MALT1: variants seen among roughly 807,000 people sequenced by gnomAD.
The protein encoded by MALT1 is mucosa-associated lymphoid tissue lymphoma translocation protein 1.
Under a neutral mutation model 85.5 loss-of-function variants are expected in MALT1, and 36 were observed. The observed-to-expected ratio is 0.42, with a 90% CI of 0.32 to 0.56. The LOEUF is 0.56. Among genes scored for constraint, MALT1 ranks in the 20% least tolerant of loss-of-function variants. The probability of loss-of-function intolerance (pLI) is 0.10; values close to 1 mark genes in which losing one functional copy is unlikely to be tolerated. For missense variants in MALT1, 716 were observed against 981.6 expected, an observed-to-expected ratio of 0.73 and a Z score of 3.62; for synonymous variants, 359 against 361.3, an observed-to-expected ratio of 0.99 and a Z score of 0.07.
chr18:58,719,240 A>G (rs1285247462), intron 9 of MALT1, among the ~76,000 whole-genome samples: 1 of 152,134 alleles, frequency 6.6e-6, no homozygotes, highest in Non-Finnish European at 1.5e-5. Context: ...TGCCACATTC[A>G]AGATGGCTTT....
At chr18:58,709,318 T>A in intron 4 of MALT1, 60 bp from the exon 5 acceptor site, 1 of 1,181,982 alleles carries the variant, frequency 8.5e-7, no homozygotes, top group Non-Finnish European at 1.2e-6. Context: ...TCTCTTTAAT[T>A]ATAGGGAAAT....
At chr18:58,695,840 G>A (rs1418591625) in intron 2 of MALT1, among the ~76,000 whole-genome samples, 1 of 152,174 alleles carries the variant, frequency 6.6e-6, no homozygotes, top group Non-Finnish European at 1.5e-5. Context: ...TGTTACATTG[G>A]GGATTCAGTT....
intron 9 of MALT1, among the ~76,000 whole-genome samples, chr18:58,716,475 G>A (rs1288873067): frequency 6.6e-6 from 1 of 152,142 alleles, no homozygotes; most frequent in Non-Finnish European, 1.5e-5. Context: ...ATTTAAAGAT[G>A]GTAAAAATAG....
chr18:58,719,115 A>C lies in MALT1; in HGVS notation c.1018+3148A>C, dbSNP rs146765304. On this transcript the variant is annotated intron_variant, in intron 9 of 16. Coordinates refer to ENST00000649217, the MANE Select transcript of MALT1 (RefSeq NM_006785.4). ...CACTGCAAAATTTACTAGCTTAAGA[A>C]CAGCATCAGTTTTATTATCTCTCAT... Among the ~76,000 whole-genome samples the C allele has an allele frequency of 6.6e-5, 10 of 152,274 alleles. No homozygotes were observed. In the East Asian group the frequency reaches 1.9e-3, roughly 29 times the overall value.
rs543986751 is a variant in MALT1, at chr18:58,701,571, G to A, written c.649+980G>A. On this transcript the variant is annotated intron_variant, in intron 4 of 16. Coordinates refer to ENST00000649217, the MANE Select transcript of MALT1 (RefSeq NM_006785.4). ...GAACAAAGCCTGGCAGGTAGTAGTC[G>A]CTTACCAGTTATGCAATTCATTGAC... 2.6e-5 allele frequency among the ~76,000 whole-genome samples: 4 copies of A among 152,206 alleles called. No individual in the cohort carries two copies. In the East Asian group the frequency reaches 5.8e-4, roughly 22 times the overall value.
At chr18:58,715,887 GA>G (rs1439926585) in intron 8 of MALT1, 47 bp from the exon 9 acceptor site, 7 of 1,309,054 alleles carry the variant, frequency 5.3e-6, no homozygotes, top group South Asian at 1.2e-5. Flanking sequence ...TTTAACTCTG[GA>G]AATATACCAT....
At chr18:58,711,057 T>A in intron 7 of MALT1, 104 bp downstream of exon 7, 1 of 624,692 alleles carries the variant, frequency 1.6e-6, no homozygotes, top group Non-Finnish European at 2.7e-6. Flanking sequence ...GAAAAAATAC[T>A]AGCTGTAAGA....
chr18:58,704,483 G>T (rs377439835), intron 4 of MALT1, among the ~76,000 whole-genome samples: 4 of 152,090 alleles, frequency 2.6e-5, no homozygotes, highest in Non-Finnish European at 5.9e-5. Flanking sequence ...TTGAGAAGGG[G>T]TCTCACTCTG....
At chr18:58,706,717 G>T (rs2054757370) in intron 4 of MALT1, among the ~76,000 whole-genome samples, 1 of 152,130 alleles carries the variant, frequency 6.6e-6, no homozygotes, top group South Asian at 2.1e-4. Context: ...ATTTTTGAAG[G>T]ATATTTTCGT....
chr18:58,717,164 A>G (rs2054913513), intron 9 of MALT1, among the ~76,000 whole-genome samples: 1 of 152,162 alleles, frequency 6.6e-6, no homozygotes, highest in African/African-American at 2.4e-5. Flanking sequence ...GAAGATTGAG[A>G]TCAGCCTAAC....
At chr18:58,677,496 T>C (rs1164390949) in intron 1 of MALT1, 1 of 152,212 alleles carries the variant, frequency 6.6e-6, no homozygotes, top group African/African-American at 2.4e-5. Context: ...ATCCTTGTAT[T>C]GTTTCTAATA....
chr18:58,718,462 A>T (rs912070048), intron 9 of MALT1, among the ~76,000 whole-genome samples: 12 of 152,196 alleles, frequency 7.9e-5, no homozygotes, highest in South Asian at 2.1e-4. Context: ...CTCCTGTCAG[A>T]TCAGCAGCGG....
At chr18:58,726,295 T>C (rs2055053443) in intron 10 of MALT1, among the ~76,000 whole-genome samples, 1 of 152,234 alleles carries the variant, frequency 6.6e-6, no homozygotes, top group African/African-American at 2.4e-5. Flanking sequence ...TTTTGAAGTA[T>C]TGTGAATATT....
At chr18:58,691,348 C>CT in intron 2 of MALT1, 1 of 853,486 alleles carries the variant, frequency 1.2e-6, no homozygotes, top group Non-Finnish European at 1.8e-6. Flanking sequence ...ATCCTGTTTG[C>CT]TTTTGGCATT....
rs2055480528 is a variant in MALT1 at position 58,754,014 on chromosome 18, G to A, written c.*6172G>A. On this transcript the variant is annotated 3_prime_UTR_variant, in exon 17 of 17. Coordinates refer to ENST00000649217, the MANE Select transcript of MALT1 (RefSeq NM_006785.4). Reference sequence around the variant, plus strand: ...TTAATAAGTTGCTAATTAGGCACCAGGGTAGCAGATAGAATGCCTTTCTGT... The same window carrying A: ...TTAATAAGTTGCTAATTAGGCACCAAGGTAGCAGATAGAATGCCTTTCTGT... The A allele has an allele frequency of 6.6e-6, 1 of 152,194 alleles. No homozygotes were observed. Among genetic ancestry groups the A allele is most frequent in the South Asian group, 2.1e-4 (1 of 4,830 alleles). 9.4% of individuals were successfully genotyped at this position (152,194 alleles called of 1,614,324 possible).
At chr18:58,705,302 G>GTGTGTGTA (rs1390700864) in intron 4 of MALT1, among the ~76,000 whole-genome samples, 16 of 147,132 alleles carry the variant, frequency 1.1e-4, no homozygotes, top group African/African-American at 4.0e-4. Flanking sequence ...GTGTGTGTGT[G>GTGTGTGTA]TGTGTGTGTG....
At chr18:58,746,704 T>C (rs1301907599) in intron 16 of MALT1, among the ~76,000 whole-genome samples, 1 of 151,808 alleles carries the variant, frequency 6.6e-6, no homozygotes, top group African/African-American at 2.4e-5. Context: ...CTTAAGCTTT[T>C]TTTATAAAAC....
chr18:58,715,814 T>C, intron 8 of MALT1, 121 bp from the exon 9 acceptor site: 1 of 722,374 alleles, frequency 1.4e-6, no homozygotes, highest in Non-Finnish European at 2.4e-6. Flanking sequence ...TTATTAAAAA[T>C]CTGAAGAGTA....
chr18:58,725,911 A>AT (rs1357485007), intron 10 of MALT1, among the ~76,000 whole-genome samples: 1 of 152,134 alleles, frequency 6.6e-6, no homozygotes, highest in African/African-American at 2.4e-5. Context: ...AAGTACAAAA[A>AT]TTAGCCCAGC....
Sources: allele counts gnomAD v4.1 joint callset (sites outside exome capture counted in the v4.1 genomes callset), GRCh38; gene constraint gnomAD v4.1.1; transcripts MANE v1.5; gene names NCBI Gene and HGNC (gene_info 2026-07-23, HGNC 2026-07-21).